MTHFD1L: variants seen among roughly 807,000 people sequenced by gnomAD.
The protein encoded by MTHFD1L is monofunctional C1-tetrahydrofolate synthase, mitochondrial.
In MTHFD1L, 81 loss-of-function variants were observed where a neutral mutation model predicts 119.5. The observed-to-expected ratio is 0.68, with a 90% CI of 0.57 to 0.82. The LOEUF is 0.82. Ranked by LOEUF, MTHFD1L falls within the 40% of genes least tolerant of loss-of-function variation. The pLI is 0.00. For missense variants in MTHFD1L, 1,125 were observed against 1,253.4 expected (o/e 0.90, Z 1.55); for synonymous variants, 430 against 475.2 (o/e 0.90, Z 1.24).
chr6:150,879,313 A>G (rs1321293946), intron 4 of MTHFD1L, among the ~76,000 whole-genome samples: 2 of 151,814 alleles, frequency 1.3e-5, no homozygotes, highest in Admixed American at 6.6e-5. Context: ...TTTTTTTGAG[A>G]TGGAGTCTCG....
rs202128387 is a variant in MTHFD1L, at chr6:150,885,710, G to A, written c.619G>A (p.Val207Ile). 6.2e-7 allele frequency: 1 copy of A among 1,613,682 alleles called. No homozygotes were observed. Among genetic ancestry groups the A allele is most frequent in the African/African-American group, 1.3e-5 (1 of 75,032 alleles). Residue 207 changes from valine to isoleucine, a missense_variant, in exon 6 of 28, where the codon GTA becomes ATA. By Grantham distance (29) the Val-to-Ile change is conservative. Transcript: ENST00000367321. ...ECFVSPVAKA[V>I]IELLEKSGVN... ...TTTTGTTTCACCTGTTGCCAAAGCT[G>A]TAATTGAACTTCTTGAAAAATCAGG...
chr6:150,997,888 T>A (rs1168202763), intron 20 of MTHFD1L, among the ~76,000 whole-genome samples: 7 of 152,194 alleles, frequency 4.6e-5, no homozygotes, highest in Admixed American at 2.0e-4. Flanking sequence ...CAGGCCCGAG[T>A]AATCATTAAA....
intron 20 of MTHFD1L, among the ~76,000 whole-genome samples, chr6:150,993,049 A>T (rs1349277962): frequency 6.6e-6 from 1 of 152,146 alleles, no homozygotes; most frequent in African/African-American, 2.4e-5. Flanking sequence ...TGAATTGTAA[A>T]CACCAGCAAT....
chr6:150,992,287 C>G (rs774526241), intron 20 of MTHFD1L, among the ~76,000 whole-genome samples: 2 of 152,152 alleles, frequency 1.3e-5, no homozygotes, highest in Non-Finnish European at 2.9e-5. Context: ...AAAAACAAAA[C>G]GGGTTGTGGA....
At chr6:151,021,531 G>A (rs985103501) in intron 24 of MTHFD1L, among the ~76,000 whole-genome samples, 6 of 152,156 alleles carry the variant, frequency 3.9e-5, no homozygotes, top group African/African-American at 1.4e-4. Flanking sequence ...CTGGGCAACA[G>A]AGTTAGACTC....
At chr6:150,895,370 A>G (rs917422658) in intron 7 of MTHFD1L, among the ~76,000 whole-genome samples, 2 of 152,110 alleles carry the variant, frequency 1.3e-5, no homozygotes, top group Admixed American at 1.3e-4. Flanking sequence ...TCTCCTCTGA[A>G]CCTGTGGTTA....
chr6:151,045,185 AT>A (rs1241620914), intron 26 of MTHFD1L, among the ~76,000 whole-genome samples: 1 of 152,164 alleles, frequency 6.6e-6, no homozygotes, highest in Non-Finnish European at 1.5e-5. Context: ...TTTAAATCAA[AT>A]GCATGACCCT....
At position 151,022,951 on chromosome 6, in the gene MTHFD1L, T is replaced by A. The variant is rs530508473; in HGVS notation, c.2586+7258T>A. 7.9e-4 allele frequency among the ~76,000 whole-genome samples: 120 copies of A among 152,158 alleles called. 1 individual carries two copies. Among genetic ancestry groups the A allele is most frequent in the Non-Finnish European group, 1.5e-3 (103 of 67,996 alleles). ...CAACAAGCCTCCCATAAGCCTCTTA[T>A]CCCCTGGCCCCCTTTCCATGATCCA... On this transcript the variant is annotated intron_variant, in intron 24 of 27. Coordinates refer to ENST00000367321, the MANE Select transcript of MTHFD1L (RefSeq NM_015440.5).
Position 151,039,017 on chromosome 6 carries a change from C to T in MTHFD1L, c.2847+1900C>T, listed in dbSNP as rs549154410. On this transcript the variant is annotated intron_variant, in intron 26 of 27. Transcript: ENST00000367321. This position sits in a 1 kb window ranked among gnomAD's most constrained non-coding sequence, Gnocchi z 4.4. ...TTCAAAGAAAGAGGCAGGAAGGTCA[C>T]CCTGGTGGGTTTAAGGATATGGGTG... 5.3e-5 allele frequency among the ~76,000 whole-genome samples: 8 copies of T among 152,184 alleles called. No homozygotes were observed. The East Asian group carries it at 1.5e-3, about 29-fold the overall frequency.
intron 18 of MTHFD1L, 94 bp from the exon 19 acceptor site, chr6:150,964,875 C>T: frequency 2.4e-6 from 3 of 1,248,312 alleles, no homozygotes; most frequent in South Asian, 1.2e-5. Context: ...TGGGGACGCC[C>T]ACCCAAGAAG....
chr6:150,919,156 GAA>G (rs111966934), intron 9 of MTHFD1L, among the ~76,000 whole-genome samples: 5 of 119,900 alleles, frequency 4.2e-5, no homozygotes, highest in African/African-American at 6.1e-5. Flanking sequence ...GAGGGAGACT[GAA>G]AAAAAAAAAA....
At chr6:151,075,623 A>G (rs565985107) in intron 26 of MTHFD1L, among the ~76,000 whole-genome samples, 5 of 152,366 alleles carry the variant, frequency 3.3e-5, no homozygotes, top group Admixed American at 2.6e-4. Flanking sequence ...CAATGCTACA[A>G]TTCAGCTTGA....
At chr6:150,994,077 A>AAGAAAGAAAGAAAGAAAGAAAGAAGAAAG (rs1554273888) in intron 20 of MTHFD1L, among the ~76,000 whole-genome samples, 15 of 105,296 alleles carry the variant, frequency 1.4e-4, no homozygotes, top group Non-Finnish European at 2.6e-4. Context: ...AAAAAAAAAA[A>AAGAAAGAAAGAAAGAAAGAAAGAAGAAAG]AAAGAAAGAA....
intron 24 of MTHFD1L, among the ~76,000 whole-genome samples, chr6:151,033,840 C>T (rs1046001466): frequency 2.5e-4 from 38 of 152,108 alleles, no homozygotes; most frequent in African/African-American, 8.7e-4. Flanking sequence ...CTCACAATTT[C>T]GTTGGGAGAC....
At chr6:151,041,454 A>T (rs554311015) in intron 26 of MTHFD1L, among the ~76,000 whole-genome samples, 14 of 152,278 alleles carry the variant, frequency 9.2e-5, no homozygotes, top group African/African-American at 3.4e-4. Flanking sequence ...TAGCAAAATG[A>T]ATCACTCTTC....
chr6:150,934,651 A>G (rs968937092), intron 11 of MTHFD1L, among the ~76,000 whole-genome samples: 8 of 152,194 alleles, frequency 5.3e-5, no homozygotes, highest in Admixed American at 2.0e-4. Flanking sequence ...TTGTGGTTAC[A>G]TCCTTAGGTT....
chr6:151,064,311 A>G (rs1790981487), intron 26 of MTHFD1L, among the ~76,000 whole-genome samples: 1 of 151,638 alleles, frequency 6.6e-6, no homozygotes, highest in South Asian at 2.1e-4. Flanking sequence ...GAAGTGTTAA[A>G]TTATTATTAT....
At chr6:151,051,862 C>T (rs889718839) in intron 26 of MTHFD1L, among the ~76,000 whole-genome samples, 1 of 152,200 alleles carries the variant, frequency 6.6e-6, no homozygotes, top group Admixed American at 6.5e-5. Flanking sequence ...TGAGACACTG[C>T]AGGCCCATCA....
chr6:150,904,443 C>T (rs1222332091), intron 7 of MTHFD1L, among the ~76,000 whole-genome samples: 4 of 152,112 alleles, frequency 2.6e-5, no homozygotes, highest in African/African-American at 4.8e-5. Context: ...CAGGACATAC[C>T]GTAGAGCTGT....
Sources: allele counts gnomAD v4.1 joint callset (sites outside exome capture counted in the v4.1 genomes callset), GRCh38; gene constraint gnomAD v4.1.1; non-coding constraint Gnocchi (gnomAD v3.1); transcripts MANE v1.5; gene names NCBI Gene and HGNC (gene_info 2026-07-23, HGNC 2026-07-21).